Variants in EIF3H observed in about 807,000 individuals in gnomAD.
EIF3H encodes the protein eukaryotic translation initiation factor 3 subunit H.
EIF3H carries 26 observed loss-of-function variants against 44.2 expected under a neutral mutation model. The observed-to-expected ratio is 0.59, with a 90% CI of 0.43 to 0.82. The LOEUF (loss-of-function observed/expected upper bound fraction) is 0.82. EIF3H is among the 40% of genes least tolerant of loss of function. EIF3H has a pLI of 0.00. For synonymous variants in EIF3H, 166 were observed against 151.9 expected (o/e 1.09, Z -0.68); for missense variants, 359 against 432.8 (o/e 0.83, Z 1.51).
intron 2 of EIF3H, among the ~76,000 whole-genome samples, chr8:116,724,794 T>C (rs1444571809): frequency 6.6e-6 from 1 of 152,130 alleles, no homozygotes; most frequent in Non-Finnish European, 1.5e-5. Context: ...ATAACAAGTG[T>C]TGACAAGCAT....
intron 1 of EIF3H, among the ~76,000 whole-genome samples, chr8:116,750,718 T>C (rs1308730032): frequency 6.6e-6 from 1 of 151,794 alleles, no homozygotes; most frequent in Non-Finnish European, 1.5e-5. Flanking sequence ...GCCTTTAGCA[T>C]GACTTATTAA....
chr8:116,763,054 TG>T (rs1424761065), intron 1 of EIF3H, among the ~76,000 whole-genome samples: 2 of 152,236 alleles, frequency 1.3e-5, no homozygotes, highest in Non-Finnish European at 2.9e-5. Flanking sequence ...GAAGAGATAT[TG>T]GGTGAAAATT....
At chr8:116,687,126 C>A (rs1157137572) in intron 2 of EIF3H, among the ~76,000 whole-genome samples, 1 of 152,032 alleles carries the variant, frequency 6.6e-6, no homozygotes, top group Non-Finnish European at 1.5e-5. Flanking sequence ...CAGTAAGAGG[C>A]CACTGCAGTA....
chr8:116,679,189 G>A (rs1211649317), intron 2 of EIF3H, among the ~76,000 whole-genome samples: 8 of 80,320 alleles, frequency 1.0e-4, no homozygotes, highest in African/African-American at 3.5e-4. Flanking sequence ...CCCCCCGCCC[G>A]GCCAGCCGCC....
rs1554603833 is a variant in EIF3H at position 116,752,722 on chromosome 8, A to AAGAAAGAG, written c.132+2943_132+2944insCTCTTTCT. Among the ~76,000 whole-genome samples, 756 of 111,256 alleles carry AAGAAAGAG rather than the reference A, an allele frequency of 6.8e-3. 29 individuals carry two copies. The highest frequency in any genetic ancestry group is 0.031 in the East Asian group (102 of 3,322). The allele number at this position is 111,256 out of a possible 152,430, so 73.0% of individuals were successfully genotyped here. A position where few individuals can be genotyped will look rare whatever the true frequency, so the allele number is the denominator to read the frequency against. ...AAAGAAAGAAAGAAAGAAAGAAAGA[A>AAGAAAGAG]AGAAAGAAAGAAGAGAAAGAAAGAA... On this transcript the variant is annotated intron_variant, in intron 1 of 7. Transcript: ENST00000521861.
intron 1 of EIF3H, among the ~76,000 whole-genome samples, chr8:116,730,520 T>G (rs1478655340): frequency 6.6e-6 from 1 of 152,182 alleles, no homozygotes; most frequent in African/African-American, 2.4e-5. Context: ...AGACACTGAT[T>G]TAAATGTTAA....
intron 1 of EIF3H, among the ~76,000 whole-genome samples, chr8:116,739,016 A>G (rs569734379): frequency 6.6e-6 from 1 of 152,344 alleles, no homozygotes; most frequent in East Asian, 1.9e-4. Context: ...AACTGGCAAT[A>G]AACAAAACCT....
intron 1 of EIF3H, among the ~76,000 whole-genome samples, chr8:116,732,235 TAAAACCTATCTTTGCCC>T (rs913644930): frequency 1.3e-5 from 2 of 152,102 alleles, no homozygotes; most frequent in Non-Finnish European, 2.9e-5. Flanking sequence ...AAAAAAAAAT[TAAAACCTATCTTTGCCC>T]AAAAATCTAA....
chr8:116,718,510 A>G (rs188484817), intron 2 of EIF3H, among the ~76,000 whole-genome samples: 9 of 137,856 alleles, frequency 6.5e-5, no homozygotes, highest in African/African-American at 2.7e-4. Context: ...AATGTGTTGC[A>G]TATATATATA....
At chr8:116,728,360 AG>A (rs1459836969) in intron 1 of EIF3H, among the ~76,000 whole-genome samples, 2 of 152,098 alleles carry the variant, frequency 1.3e-5, no homozygotes, top group Non-Finnish European at 2.9e-5. Flanking sequence ...TCACACATCT[AG>A]GAAGTAGTAG....
intron 1 of EIF3H, among the ~76,000 whole-genome samples, chr8:116,753,959 T>C (rs1339022553): frequency 2.0e-5 from 3 of 152,172 alleles, no homozygotes; most frequent in Admixed American, 2.0e-4. Flanking sequence ...CCCAAGTGCA[T>C]AAGTGGTACT....
intron 1 of EIF3H, among the ~76,000 whole-genome samples, chr8:116,729,533 G>A (rs1035838877): frequency 5.9e-5 from 9 of 152,054 alleles, no homozygotes; most frequent in East Asian, 1.9e-4. Flanking sequence ...AGAATACAGC[G>A]CTCCAAGTAA....
chr8:116,753,636 T>C (rs1223622794), intron 1 of EIF3H, among the ~76,000 whole-genome samples: 1 of 152,160 alleles, frequency 6.6e-6, no homozygotes, highest in Admixed American at 6.5e-5. Context: ...TGAGAACCAG[T>C]CTCTTGACTA....
At position 116,755,776 on chromosome 8, in the gene EIF3H, T is replaced by A; in HGVS notation, c.22A>T (p.Thr8Ser). 1 of 1,614,006 alleles carries A rather than the reference T, an allele frequency of 6.2e-7. No individual in the cohort carries two copies. Among genetic ancestry groups the A allele is most frequent in the Non-Finnish European group, 8.5e-7 (1 of 1,180,036 alleles). Reference protein sequence around the residue: MASRKEGTGSTATSSSST... With the variant: MASRKEGSGSTATSSSST... Reference sequence around the variant, plus strand: ...CTGGAAGAGGTGGCAGTAGAGCCGGTACCTTCCTTGCGGGACGCCATCTTT... The same window carrying A: ...CTGGAAGAGGTGGCAGTAGAGCCGGAACCTTCCTTGCGGGACGCCATCTTT... The change falls in exon 1 of 8, where the codon ACC (threonine) becomes TCC (serine). Residue 8 changes from threonine (T) to serine (S), a missense_variant. Physicochemically the swap from Thr to Ser is moderately conservative, Grantham distance 58. Around this residue, in one of 5 missense-constraint regions of EIF3H, gnomAD observed 59 missense variants for 33.5 expected, o/e 1.76. Transcript: ENST00000521861.
chr8:116,697,542 A>C lies in EIF3H; in HGVS notation c.289+28474T>G, dbSNP rs560038362. 5.9e-5 allele frequency among the ~76,000 whole-genome samples: 9 copies of C among 152,316 alleles called. 1 individual carries two copies. The highest frequency in any genetic ancestry group is 5.9e-4 in the Admixed American group (9 of 15,296). On this transcript the variant is annotated intron_variant, in intron 2 of 7. Coordinates refer to ENST00000521861, the MANE Select transcript of EIF3H (RefSeq NM_003756.3). ...CAACCTACTCTGTACTCAAGCCGCT[A>C]TCCCTATATTCCTTAAAGCCACTAT...
chr8:116,744,388 T>A (rs900456544), intron 1 of EIF3H, among the ~76,000 whole-genome samples: 1 of 152,192 alleles, frequency 6.6e-6, no homozygotes, highest in African/African-American at 2.4e-5. Context: ...ATATTTTGAC[T>A]AAGTTAATAC....
chr8:116,671,331 T>C (rs1367774569), intron 2 of EIF3H, among the ~76,000 whole-genome samples: 3 of 152,150 alleles, frequency 2.0e-5, no homozygotes, highest in African/African-American at 7.2e-5. Flanking sequence ...GACCAAACAA[T>C]ATCTGCATAG....
intron 1 of EIF3H, among the ~76,000 whole-genome samples, chr8:116,743,792 ATATATAAACACACACACACACACACACAC>A (rs1815175800): frequency 4.5e-5 from 4 of 89,484 alleles, no homozygotes; most frequent in African/African-American, 1.8e-4. Context: ...ATATATATAT[ATATATAAACACACACACACACACACACAC>A]ACACACACAC....
chr8:116,688,498 CAT>C (rs1317692843), intron 2 of EIF3H, among the ~76,000 whole-genome samples: 1 of 152,028 alleles, frequency 6.6e-6, no homozygotes, highest in Admixed American at 6.6e-5. Context: ...AGAAGCAAGA[CAT>C]AAAAGATATA....
Sources: allele counts gnomAD v4.1 joint callset (sites outside exome capture counted in the v4.1 genomes callset), GRCh38; gene constraint gnomAD v4.1.1; regional missense constraint gnomAD v4.1.1; transcripts MANE v1.5; gene names NCBI Gene and HGNC (gene_info 2026-07-23, HGNC 2026-07-21).